Variants in FAM117B observed in about 807,000 individuals in gnomAD.
The protein encoded by FAM117B is protein FAM117B.
In FAM117B, 22 loss-of-function variants were observed where a neutral mutation model predicts 52.8. The ratio of observed to expected loss-of-function variants is 0.42; its 90% confidence interval spans 0.30 to 0.59. The LOEUF (loss-of-function observed/expected upper bound fraction) is 0.59. Ranked by LOEUF, FAM117B falls within the 20% of genes least tolerant of loss-of-function variation. FAM117B has a pLI of 0.22. For synonymous variants in FAM117B, 309 were observed against 324.1 expected (o/e 0.95, Z 0.50); for missense variants, 678 against 802.6 (o/e 0.84, Z 1.88).
chr2:202,718,833 C>G (rs887011761), intron 2 of FAM117B, among the ~76,000 whole-genome samples: 9 of 152,146 alleles, frequency 5.9e-5, no homozygotes, highest in African/African-American at 1.9e-4. Context: ...TTCCATAAAA[C>G]TGTGCCTACC....
intron 2 of FAM117B, among the ~76,000 whole-genome samples, chr2:202,696,287 TTTTTCCCACTTATTC>T (rs1161646345): frequency 1.3e-5 from 2 of 152,176 alleles, no homozygotes; most frequent in Non-Finnish European, 2.9e-5. Context: ...GACATACTTT[TTTTTCCCACTTATTC>T]TTTATAAGTT....
chr2:202,757,188 C>G (rs1437642591), intron 5 of FAM117B, 25 bp from the exon 6 acceptor site: 1 of 1,604,614 alleles, frequency 6.2e-7, no homozygotes. Context: ...ATAAATATAC[C>G]TATGTTTTTA....
At chr2:202,743,310 A>G (rs963748167) in intron 4 of FAM117B, among the ~76,000 whole-genome samples, 1 of 152,196 alleles carries the variant, frequency 6.6e-6, no homozygotes, top group Non-Finnish European at 1.5e-5. Context: ...CAAAGAAATC[A>G]TATAGAGACT....
At chr2:202,734,476 A>G (rs1691408740) in intron 4 of FAM117B, among the ~76,000 whole-genome samples, 1 of 152,224 alleles carries the variant, frequency 6.6e-6, no homozygotes, top group South Asian at 2.1e-4. Context: ...GAAAAACACA[A>G]ATATATAAAA....
chr2:202,653,508 T>C lies in FAM117B; in HGVS notation c.601+17720T>C, dbSNP rs1434166796. Among the ~76,000 whole-genome samples, 7 of 152,220 alleles carry C rather than the reference T, an allele frequency of 4.6e-5. No individual in the cohort carries two copies. The East Asian group carries it at 1.3e-3, about 29-fold the overall frequency. On this transcript the variant is annotated intron_variant, in intron 1 of 7. Coordinates refer to ENST00000392238, the MANE Select transcript of FAM117B (RefSeq NM_173511.4). ...CATGAACATTTGTGCCTGACATTTATCTTTTGTGTATTCGTTCTCTATTAG... is the reference window on the plus strand; with the variant it reads ...CATGAACATTTGTGCCTGACATTTACCTTTTGTGTATTCGTTCTCTATTAG...
rs1478008556 is a variant in FAM117B at position 202,635,592 on chromosome 2, G to A, written c.405G>A (p.Gly135=). 9.5e-6 allele frequency: 12 copies of A among 1,258,852 alleles called. No homozygotes were observed. The highest frequency in any genetic ancestry group is 1.2e-5 in the Non-Finnish European group (12 of 1,008,488). 78.0% of individuals were successfully genotyped at this position (1,258,852 alleles called of 1,614,324 possible). The change falls in exon 1 of 8, where the codon GGG becomes GGA. Residue 135 remains glycine (G), a synonymous_variant. Coordinates refer to ENST00000392238, the MANE Select transcript of FAM117B (RefSeq NM_173511.4). The stretch of plus-strand genomic sequence containing the variant: ...GCAGCGCCGCGCCTGGAGCTCGCGG[G>A]AGCCCCCCACGGCCGCCGCCGCCGC... ...PTRSAAPGAR[G]SPPRPPPPPP...
At chr2:202,659,654 G>A (rs2105760658) in intron 1 of FAM117B, among the ~76,000 whole-genome samples, 1 of 116,420 alleles carries the variant, frequency 8.6e-6, no homozygotes, top group Middle Eastern at 8.6e-3. Context: ...TTGCCCTGTT[G>A]CCCAGGCTGG....
At chr2:202,721,503 G>C (rs539491246) in intron 2 of FAM117B, among the ~76,000 whole-genome samples, 59 of 151,910 alleles carry the variant, frequency 3.9e-4, no homozygotes, top group African/African-American at 1.4e-3. Context: ...ACGACTACTT[G>C]GCCTAATGGA....
intron 2 of FAM117B, 22 bp from the exon 3 acceptor site, chr2:202,724,895 C>A: frequency 6.4e-7 from 1 of 1,559,668 alleles, no homozygotes; most frequent in Non-Finnish European, 8.7e-7. Context: ...TTAAATACAC[C>A]TCCCCTCTTT....
At chr2:202,647,065 T>C (rs954677808) in intron 1 of FAM117B, among the ~76,000 whole-genome samples, 2 of 152,166 alleles carry the variant, frequency 1.3e-5, no homozygotes, top group African/African-American at 4.8e-5. Context: ...TAAAAACTTA[T>C]AAGGCAACCA....
intron 1 of FAM117B, among the ~76,000 whole-genome samples, chr2:202,675,679 C>A (rs909295639): frequency 1.3e-5 from 2 of 151,972 alleles, no homozygotes. Flanking sequence ...CCTAGTGACT[C>A]AATTCTAACA....
intron 1 of FAM117B, among the ~76,000 whole-genome samples, chr2:202,679,914 T>C (rs994568625): frequency 2.0e-5 from 3 of 152,172 alleles, no homozygotes; most frequent in Admixed American, 6.5e-5. Flanking sequence ...TAATATTATA[T>C]GACAAAAATT....
At chr2:202,673,530 C>T (rs1270987926) in intron 1 of FAM117B, among the ~76,000 whole-genome samples, 1 of 142,442 alleles carries the variant, frequency 7.0e-6, no homozygotes, top group Non-Finnish European at 1.5e-5. Context: ...TCACTGCAAC[C>T]TCCGCCTCCT....
chr2:202,701,043 G>A (rs974513610), intron 2 of FAM117B, among the ~76,000 whole-genome samples: 11 of 152,154 alleles, frequency 7.2e-5, no homozygotes, highest in African/African-American at 7.2e-5. Context: ...AGAAGATGCC[G>A]TCTAGGACTT....
chr2:202,688,886 T>G (rs1175449299), intron 1 of FAM117B, among the ~76,000 whole-genome samples: 8 of 152,178 alleles, frequency 5.3e-5, no homozygotes, highest in Admixed American at 5.2e-4. Flanking sequence ...AAAACAAGTC[T>G]AAAAGGATAC....
At chr2:202,642,560 G>A (rs1446162436) in intron 1 of FAM117B, among the ~76,000 whole-genome samples, 2 of 152,000 alleles carry the variant, frequency 1.3e-5, no homozygotes, top group African/African-American at 4.8e-5. Flanking sequence ...TGATAACAGT[G>A]AGGAGAACAG....
At chr2:202,647,484 AC>A (rs1394669691) in intron 1 of FAM117B, among the ~76,000 whole-genome samples, 1 of 152,228 alleles carries the variant, frequency 6.6e-6, no homozygotes, top group Non-Finnish European at 1.5e-5. Context: ...AAATGAGCAC[AC>A]CCAGATTTCA....
intron 1 of FAM117B, among the ~76,000 whole-genome samples, chr2:202,673,682 AG>A (rs1440922886): frequency 1.3e-5 from 2 of 151,714 alleles, no homozygotes; most frequent in Admixed American, 1.3e-4. Flanking sequence ...TCTTGACCTC[AG>A]GTGATCCGCC....
In FAM117B at chr2:202,743,834, C is replaced by T. The variant is rs142147222; in HGVS notation, c.961-11704C>T. 3.2e-4 allele frequency among the ~76,000 whole-genome samples: 48 copies of T among 152,030 alleles called. No individual in the cohort carries two copies. The East Asian group carries it at 5.8e-3, about 18-fold the overall frequency. ...GACAGGTCTTTTGAAACAATCCAGT[C>T]AAAAAAGAATAAAAAGGGATGACAA... On this transcript the variant is annotated intron_variant, in intron 4 of 7. Coordinates refer to ENST00000392238, the MANE Select transcript of FAM117B (RefSeq NM_173511.4).
Sources: gnomAD v4.1 joint callset for allele counts (sites outside exome capture counted in the v4.1 genomes callset) on GRCh38, gnomAD v4.1.1 for gene constraint, MANE v1.5 for transcripts, NCBI Gene and HGNC (gene_info 2026-07-23, HGNC 2026-07-21) for gene names.